DGCR8: variants seen among roughly 807,000 people sequenced by gnomAD.
The protein encoded by DGCR8 is DGCR8 microprocessor complex subunit, also known as microprocessor complex subunit DGCR8.
A neutral mutation model predicts 78.5 loss-of-function variants in DGCR8; 14 were observed. That is an observed-to-expected ratio of 0.18 (90% confidence interval 0.12 to 0.28). DGCR8 has a LOEUF of 0.28. DGCR8 is among the 10% of genes least tolerant of loss of function. The pLI is 1.00. For missense variants in DGCR8, 702 were observed against 1,022.5 expected (o/e 0.69, Z 4.28); for synonymous variants, 399 against 402.4 (o/e 0.99, Z 0.10).
chr22:20,108,791 G>GTGCCTACCTTGCCAGACCCTGGGCA (rs1555880473), intron 12 of DGCR8, 99 bp from the exon 13 acceptor site: 6 of 705,216 alleles, frequency 8.5e-6, no homozygotes, highest in Admixed American at 3.7e-5. Flanking sequence ...GACCCTGGGC[G>GTGCCTACCTTGCCAGACCCTGGGCA]CGCCTGCCTT....
intron 1 of DGCR8, among the ~76,000 whole-genome samples, chr22:20,082,001 C>T (rs534623377): frequency 1.3e-5 from 2 of 152,154 alleles, no homozygotes; most frequent in African/African-American, 4.8e-5. Flanking sequence ...TCCTCACTCC[C>T]CATCCACCAT....
At chr22:20,093,738 C>G (rs1004224333) in intron 8 of DGCR8, among the ~76,000 whole-genome samples, 1 of 152,344 alleles carries the variant, frequency 6.6e-6, no homozygotes, top group Non-Finnish European at 1.5e-5. Context: ...TGGCGAAGAC[C>G]CACTGCCCTT....
intron 9 of DGCR8, chr22:20,101,844 A>T: frequency 2.0e-6 from 2 of 985,326 alleles, no homozygotes; most frequent in Non-Finnish European, 2.4e-6. Flanking sequence ...GGCGTGGGGT[A>T]GTATCCCCTC....
In DGCR8 at chr22:20,086,732, G is replaced by A. The variant is rs2147916292; in HGVS notation, c.720+49G>A. ...GAGGGCTCTTAGCAAAACCCAAAGA[G>A]AGATTTGGGAATTGCAGCATCTTTT... is the stretch of plus-strand genomic sequence containing the variant. On this transcript the variant is annotated intron_variant, in intron 2 of 13. Coordinates refer to ENST00000351989, the MANE Select transcript of DGCR8 (RefSeq NM_022720.7). The surrounding 1 kb of genome is among the most constrained non-coding windows in gnomAD (Gnocchi z 6.4). The A allele has an allele frequency of 4.1e-6, 6 of 1,479,062 alleles. No individual in the cohort carries two copies. The highest frequency in any genetic ancestry group is 1.3e-5 in the South Asian group (1 of 75,884). 91.6% of individuals were successfully genotyped at this position (1,479,062 alleles called of 1,614,324 possible).
At chr22:20,096,887 T>A (rs924329882) in intron 9 of DGCR8, among the ~76,000 whole-genome samples, 1 of 152,222 alleles carries the variant, frequency 6.6e-6, no homozygotes, top group African/African-American at 2.4e-5. Flanking sequence ...AGGAATGATG[T>A]TAGATTTTGT....
At chr22:20,098,893 G>A (rs2049662368) in intron 9 of DGCR8, among the ~76,000 whole-genome samples, 2 of 152,142 alleles carry the variant, frequency 1.3e-5, no homozygotes, top group African/African-American at 2.4e-5. Flanking sequence ...GCATTCTGAG[G>A]GACTTCAACA....
Position 20,100,801 on chromosome 22 carries a change from C to T in DGCR8, c.1789-5376C>T, listed in dbSNP as rs77437399. The T allele has an allele frequency of 2.0e-3, 1,936 of 985,394 alleles. 35 individuals are homozygous for T. In the African/African-American group the frequency reaches 0.031, roughly 16 times the overall value. The allele number at this position is 985,394 out of a possible 1,614,324, so 61.0% of individuals were successfully genotyped here. On this transcript the variant is annotated intron_variant, in intron 9 of 13. Transcript: ENST00000351989. ...ACTCCCCTGCCTGGGGCTTTTTCCA[C>T]ACCCCTACTCCGATCCTCCCACACT... is the stretch of plus-strand genomic sequence containing the variant.
rs554093974 is a variant in DGCR8 at position 20,085,316 on chromosome 22, G to A, written c.-277-371G>A. 3.9e-5 allele frequency among the ~76,000 whole-genome samples: 6 copies of A among 152,276 alleles called. No homozygotes were observed. Among genetic ancestry groups the A allele is most frequent in the Admixed American group, 1.3e-4 (2 of 15,300 alleles). ...TCTGGTGGCCTGAGGGAGGCCACGC[G>A]CCTTCTGTGTGTTCCAGAAAGGGTG... On this transcript the variant is annotated intron_variant, in intron 1 of 13. Coordinates refer to ENST00000351989, the MANE Select transcript of DGCR8 (RefSeq NM_022720.7). This position sits in a 1 kb window ranked among gnomAD's most constrained non-coding sequence, Gnocchi z 6.2.
intron 9 of DGCR8, chr22:20,100,170 G>A (rs1207266886): frequency 5.6e-6 from 1 of 178,428 alleles, no homozygotes; most frequent in Non-Finnish European, 1.1e-5. Flanking sequence ...GGGTTCAAGC[G>A]ATTCTTCTGC....
rs74748895 is a variant in DGCR8, at chr22:20,103,138, TA to T, written c.1789-3023del. Among the ~76,000 whole-genome samples the T allele has an allele frequency of 7.0e-3, 999 of 141,732 alleles. 1 individual carries two copies. Among genetic ancestry groups the T allele is most frequent in the African/African-American group, 0.01 (385 of 38,210 alleles). 93.0% of individuals were successfully genotyped at this position (141,732 alleles called of 152,430 possible). ...GGGCAACAAGAGCGAAACCCCATCT[TA>T]AAAAAAAAAAAAAAATCTGCCTGCA... On this transcript the variant is annotated intron_variant, in intron 9 of 13. Transcript: ENST00000351989.
chr22:20,091,837 C>T (rs1195237359), intron 6 of DGCR8, 32 bp from the exon 7 acceptor site: 1 of 1,602,994 alleles, frequency 6.2e-7, no homozygotes, highest in South Asian at 1.1e-5. Context: ...GGCACTGCTT[C>T]ACACTTGCTG....
chr22:20,101,217 C>CTT, intron 9 of DGCR8: 1 of 985,336 alleles, frequency 1.0e-6, no homozygotes, highest in Non-Finnish European at 1.2e-6. Context: ...GATGCCATGC[C>CTT]TTGGTTTAGG....
At chr22:20,104,931 C>T (rs971691205) in intron 9 of DGCR8, among the ~76,000 whole-genome samples, 8 of 152,192 alleles carry the variant, frequency 5.3e-5, no homozygotes, top group African/African-American at 1.7e-4. Flanking sequence ...GCCTGCACAG[C>T]GAGGCGTGTG....
Position 20,110,654 on chromosome 22 carries a change from A to G in DGCR8, c.*546A>G, listed in dbSNP as rs530229154. 1.3e-5 allele frequency: 2 copies of G among 155,170 alleles called. No individual in the cohort carries two copies. Among genetic ancestry groups the G allele is most frequent in the Admixed American group, 6.5e-5 (1 of 15,378 alleles). 9.6% of individuals were successfully genotyped at this position (155,170 alleles called of 1,614,324 possible). ...CTTTGAAAAGGTAGAAGAGAAAGGA[A>G]TATTTTAAACCTTTTTGGCTTAAAC... On this transcript the variant is annotated 3_prime_UTR_variant, in exon 14 of 14. Transcript: ENST00000351989.
chr22:20,109,948 C>T (rs1395619392), intron 13 of DGCR8, 77 bp from the exon 14 acceptor site: 3 of 1,416,512 alleles, frequency 2.1e-6, no homozygotes, highest in East Asian at 4.6e-5. Context: ...CTGCTGGGCT[C>T]TCCCTCCACC....
rs1027476950 is a variant in DGCR8, at chr22:20,111,551, T to C, written c.*1443T>C. The C allele has an allele frequency of 5.0e-6, 2 of 397,698 alleles. No individual in the cohort carries two copies. Among genetic ancestry groups the C allele is most frequent in the Non-Finnish European group, 8.9e-6 (2 of 225,978 alleles). The allele number at this position is 397,698 out of a possible 1,614,324, so 24.6% of individuals were successfully genotyped here. A position where few individuals can be genotyped will look rare whatever the true frequency, so the allele number is the denominator to read the frequency against. Reference sequence around the variant, plus strand: ...TCCTGTCTGCAGCTGTGAATAGTCATTTGACTGTGACTGTTGCCCTTAGCC... The same window carrying C: ...TCCTGTCTGCAGCTGTGAATAGTCACTTGACTGTGACTGTTGCCCTTAGCC... On this transcript the variant is annotated 3_prime_UTR_variant, in exon 14 of 14. Transcript: ENST00000351989.
intron 9 of DGCR8, chr22:20,101,835 G>A (rs2049705938): frequency 1.0e-6 from 1 of 985,432 alleles, no homozygotes; most frequent in Non-Finnish European, 1.2e-6. Flanking sequence ...ACAGCCTGGG[G>A]CGTGGGGTAG....
intron 3 of DGCR8, among the ~76,000 whole-genome samples, chr22:20,088,731 C>T (rs777655030): frequency 2.6e-5 from 4 of 152,202 alleles, no homozygotes; most frequent in Non-Finnish European, 5.9e-5. Context: ...TGGTGGGTAC[C>T]TAGCCCTGAG....
At chr22:20,102,788 T>C (rs1157314502) in intron 9 of DGCR8, among the ~76,000 whole-genome samples, 1 of 152,214 alleles carries the variant, frequency 6.6e-6, no homozygotes, top group Non-Finnish European at 1.5e-5. Flanking sequence ...TTGGCTATTC[T>C]AGCTCCTTTG....
Sources: allele counts gnomAD v4.1 joint callset (sites outside exome capture counted in the v4.1 genomes callset), GRCh38; gene constraint gnomAD v4.1.1; non-coding constraint Gnocchi (gnomAD v3.1); transcripts MANE v1.5; gene names NCBI Gene and HGNC (gene_info 2026-07-23, HGNC 2026-07-21).